RPA1: variants seen among roughly 807,000 people sequenced by gnomAD.
The protein encoded by RPA1 is replication protein A1, also known as replication protein A 70 kDa DNA-binding subunit.
A neutral mutation model predicts 83.0 loss-of-function variants in RPA1; 49 were observed. The observed-to-expected ratio is 0.59, with a 90% CI of 0.47 to 0.75. RPA1 has a LOEUF of 0.75. Ranked by LOEUF, RPA1 falls within the 30% of genes least tolerant of loss-of-function variation. RPA1 has a pLI of 0.00. For synonymous variants in RPA1, 279 were observed against 281.8 expected, an observed-to-expected ratio of 0.99 and a Z score of 0.10; for missense variants, 693 against 776.1, an observed-to-expected ratio of 0.89 and a Z score of 1.27.
chr17:1,835,946 G>A (rs1400966421), intron 1 of RPA1, among the ~76,000 whole-genome samples: 2 of 151,950 alleles, frequency 1.3e-5, no homozygotes, highest in Non-Finnish European at 2.9e-5. Context: ...GGGCAACATA[G>A]CAAGATCCTG....
At chr17:1,896,786 T>C (rs796902941) in intron 16 of RPA1, among the ~76,000 whole-genome samples, 7 of 152,204 alleles carry the variant, frequency 4.6e-5, no homozygotes, top group African/African-American at 1.7e-4. Context: ...GGAGAATAAA[T>C]GAAACTAGAG....
intron 1 of RPA1, among the ~76,000 whole-genome samples, chr17:1,840,915 A>C (rs1309120137): frequency 6.6e-6 from 1 of 152,028 alleles, no homozygotes. Context: ...AAAAATACAA[A>C]AATTAGCCAG....
At chr17:1,831,967 G>A (rs1231375668) in intron 1 of RPA1, among the ~76,000 whole-genome samples, 2 of 55,988 alleles carry the variant, frequency 3.6e-5, no homozygotes, top group African/African-American at 6.7e-5. Flanking sequence ...CCCCACTACC[G>A]CCCCAGGCTG....
At chr17:1,878,485 G>A (rs1339111868) in intron 8 of RPA1, among the ~76,000 whole-genome samples, 1 of 152,056 alleles carries the variant, frequency 6.6e-6, no homozygotes, top group Non-Finnish European at 1.5e-5. Context: ...TGACAGAAAA[G>A]CAAAAGTGAA....
chr17:1,841,248 A>G (rs919711597), intron 1 of RPA1, among the ~76,000 whole-genome samples: 10 of 152,156 alleles, frequency 6.6e-5, no homozygotes, highest in African/African-American at 9.7e-5. Flanking sequence ...AGGATTTTCT[A>G]TGTAAACGAT....
Position 1,883,962 on chromosome 17 carries a change from C to G in RPA1, c.1374+18C>G, listed in dbSNP as rs1380726035. ...GCGACAAGGTACCCAGCATTCCTAA[C>G]CACCTTCACAAAGGGCTGTAAAGTG... On this transcript the variant is annotated intron_variant, in intron 13 of 16. Coordinates refer to ENST00000254719, the MANE Select transcript of RPA1 (RefSeq NM_002945.5). 7 of 1,613,112 alleles carry G rather than the reference C, an allele frequency of 4.3e-6. No individual in the cohort carries two copies. The Admixed American group carries it at 5.0e-5, about 12-fold the overall frequency.
rs3815613 is a variant in RPA1 at position 1,884,327 on chromosome 17, G to A, written c.1374+383G>A. Among the ~76,000 whole-genome samples, 131,271 of 152,158 alleles carry A rather than the reference G, an allele frequency of 0.86. 56,957 individuals are homozygous for A. Among genetic ancestry groups the A allele is most frequent in the Non-Finnish European group, 0.91 (62,183 of 68,008 alleles). ...CAAAAAGATGTTTTTTGAGATGAGC[G>A]TTAGTCCGCCTCAGGTCAGACATGA... On this transcript the variant is annotated intron_variant, in intron 13 of 16. Transcript: ENST00000254719. This position sits in a 1 kb window ranked among gnomAD's most constrained non-coding sequence, Gnocchi z 4.1.
chr17:1,877,349 G>T (rs1445227055), intron 8 of RPA1, 35 bp downstream of exon 8: 15 of 1,579,336 alleles, frequency 9.5e-6, no homozygotes, highest in Non-Finnish European at 1.3e-5. Context: ...TGAGGGCAGT[G>T]GGCTCGCCGG....
chr17:1,830,588 C>T (rs1748212990), intron 1 of RPA1: 1 of 156,310 alleles, frequency 6.4e-6, no homozygotes, highest in South Asian at 2.0e-4. Context: ...CCGTTTTCAG[C>T]TTACCTGAGT....
intron 5 of RPA1, among the ~76,000 whole-genome samples, chr17:1,859,882 G>A (rs1308400852): frequency 6.6e-6 from 1 of 152,094 alleles, no homozygotes; most frequent in African/African-American, 2.4e-5. Flanking sequence ...GCGTGATCTC[G>A]GCTCACTGCA....
intron 16 of RPA1, among the ~76,000 whole-genome samples, chr17:1,896,481 T>G (rs1914430334): frequency 2.1e-5 from 3 of 146,180 alleles, no homozygotes; most frequent in East Asian, 4.0e-4. Flanking sequence ...AAACATTAAA[T>G]GAGATAGGGG....
At chr17:1,875,617 G>A in intron 6 of RPA1, 44 bp from the exon 7 acceptor site, 3 of 1,582,140 alleles carry the variant, frequency 1.9e-6, no homozygotes, top group Non-Finnish European at 1.7e-6. Flanking sequence ...AAAAAGCTAA[G>A]TAGAATAGTA....
At chr17:1,861,574 G>C (rs1262810064) in intron 5 of RPA1, among the ~76,000 whole-genome samples, 3 of 152,172 alleles carry the variant, frequency 2.0e-5, no homozygotes, top group Non-Finnish European at 4.4e-5. Context: ...CTCCTGTCTA[G>C]AGACAGTCTG....
chr17:1,844,710 C>G, intron 4 of RPA1, 24 bp downstream of exon 4: 1 of 1,558,928 alleles, frequency 6.4e-7, no homozygotes, highest in Non-Finnish European at 8.8e-7. Flanking sequence ...TTTTTTCTGT[C>G]TTATTGTATC....
At chr17:1,861,424 G>T (rs890300986) in intron 5 of RPA1, among the ~76,000 whole-genome samples, 59 of 152,258 alleles carry the variant, frequency 3.9e-4, no homozygotes, top group African/African-American at 1.3e-3. Flanking sequence ...GGGGGAGGGG[G>T]TTATGTTAGG....
At chr17:1,855,217 C>T (rs1230070070) in intron 5 of RPA1, among the ~76,000 whole-genome samples, 1 of 151,976 alleles carries the variant, frequency 6.6e-6, no homozygotes, top group Admixed American at 6.6e-5. Flanking sequence ...GGCTGGAGTG[C>T]AGTGGTGCCT....
rs1420099438 is a variant in RPA1, at chr17:1,830,121, A to G, written c.28A>G (p.Ile10Val). 5.6e-6 allele frequency: 7 copies of G among 1,247,748 alleles called. No homozygotes were observed. Among genetic ancestry groups the G allele is most frequent in the African/African-American group, 1.5e-5 (1 of 64,562 alleles). 77.3% of individuals were successfully genotyped at this position (1,247,748 alleles called of 1,614,324 possible). Reference protein sequence around the residue: MVGQLSEGAIAAIMQKGDTN... With the variant: MVGQLSEGAVAAIMQKGDTN... ...GGTCGGCCAACTGAGCGAGGGGGCCATTGCGGTGAGGAGGTGCCGGGGGCT... is the reference window on the plus strand; with the variant it reads ...GGTCGGCCAACTGAGCGAGGGGGCCGTTGCGGTGAGGAGGTGCCGGGGGCT... Residue 10 changes from isoleucine to valine, a missense_variant, in exon 1 of 17, where the codon ATT becomes GTT. By Grantham distance (29) the Ile-to-Val change is conservative (BLOSUM62 3). Transcript: ENST00000254719.
Position 1,891,675 on chromosome 17 carries a change from C to G in RPA1, c.1552-158C>G. 4 of 475,930 alleles carry G rather than the reference C, an allele frequency of 8.4e-6. No homozygotes were observed. In the South Asian group the frequency reaches 1.6e-4, roughly 18 times the overall value. 29.5% of individuals were successfully genotyped at this position (475,930 alleles called of 1,614,324 possible). On this transcript the variant is annotated intron_variant, in intron 14 of 16. Coordinates refer to ENST00000254719, the MANE Select transcript of RPA1 (RefSeq NM_002945.5). ...CCTCAAGTGTTCCACCCGCCTTGGC[C>G]TCCCAAAGTGCTGGGATGACAGGCA...
rs1912334568 is a variant in RPA1, at chr17:1,848,203, C to G, written c.272+3517C>G. 2.0e-5 allele frequency among the ~76,000 whole-genome samples: 3 copies of G among 152,156 alleles called. No homozygotes were observed. The South Asian group carries it at 6.2e-4, about 32-fold the overall frequency. ...AATGCAAAACCCATAGGATTATCCA[C>G]TCTGGAAGGGTGAGTTCATTATGGT... On this transcript the variant is annotated intron_variant, in intron 4 of 16. Transcript: ENST00000254719.
Sources: gnomAD v4.1 joint callset for allele counts (sites outside exome capture counted in the v4.1 genomes callset) on GRCh38, gnomAD v4.1.1 for gene constraint, Gnocchi (gnomAD v3.1) non-coding constraint, MANE v1.5 for transcripts, NCBI Gene and HGNC (gene_info 2026-07-23, HGNC 2026-07-21) for gene names.